KCNE3: variants seen among roughly 807,000 people sequenced by gnomAD.
KCNE3 encodes potassium voltage-gated channel subfamily E member 3.
KCNE3 carries 2 observed loss-of-function variants against 4.3 expected under a neutral mutation model. The ratio of observed to expected loss-of-function variants is 0.47; its 90% CI spans 0.19 to 1.48. The LOEUF is 1.48. Ranked by LOEUF, KCNE3 falls within the 40% of genes most tolerant of loss-of-function variation. KCNE3 has a pLI of 0.25. For synonymous variants in KCNE3, 47 were observed against 52.0 expected (o/e 0.90, Z 0.41); for missense variants, 128 against 136.8 (o/e 0.94, Z 0.32).
At chr11:74,463,093 A>T (rs997159928) in intron 1 of KCNE3, among the ~76,000 whole-genome samples, 2 of 151,904 alleles carry the variant, frequency 1.3e-5, no homozygotes, top group African/African-American at 4.8e-5. Context: ...AAACTGAGAG[A>T]TTTACTCATT....
chr11:74,466,984 G>C (rs1238473801), intron 1 of KCNE3, among the ~76,000 whole-genome samples: 1 of 152,232 alleles, frequency 6.6e-6, no homozygotes, highest in African/African-American at 2.4e-5. Flanking sequence ...CAGCTCCGCA[G>C]AGCCGGTGGC....
chr11:74,463,863 C>T (rs760304149), intron 1 of KCNE3, among the ~76,000 whole-genome samples: 11 of 152,224 alleles, frequency 7.2e-5, no homozygotes. Flanking sequence ...CTAAGCTTCA[C>T]ATCACACCAG....
At chr11:74,465,474 AC>A (rs1864041190) in intron 1 of KCNE3, among the ~76,000 whole-genome samples, 2 of 152,128 alleles carry the variant, frequency 1.3e-5, no homozygotes, top group Non-Finnish European at 2.9e-5. Context: ...TGCTCCCTGC[AC>A]CTGGACCCCA....
At chr11:74,457,675 C>T (rs1863855251) in intron 2 of KCNE3, 72 bp from the exon 3 acceptor site, 1 of 980,896 alleles carries the variant, frequency 1.0e-6, no homozygotes, top group Non-Finnish European at 1.6e-6. Flanking sequence ...CCCTTCAGAT[C>T]CCAGGTAAAA....
rs549837766 is a variant in KCNE3 at position 74,458,678 on chromosome 11, CA to C, written c.-40-1076del. 4.8e-3 allele frequency among the ~76,000 whole-genome samples: 731 copies of C among 152,032 alleles called. 2 individuals are homozygous for C. Among genetic ancestry groups the C allele is most frequent in the Middle Eastern group, 0.01 (3 of 294 alleles). ...GTGAAACCCGTCTCTACTAAAAATA[CA>C]AAAATTAGCTGGGCGTGGTGGTGAG... is the stretch of plus-strand genomic sequence containing the variant. On this transcript the variant is annotated intron_variant, in intron 2 of 2. Coordinates refer to ENST00000310128, the MANE Select transcript of KCNE3 (RefSeq NM_005472.5).
In KCNE3 at chr11:74,457,444, G is replaced by C. The variant is rs141880803; in HGVS notation, c.120C>G (p.Asp40Glu). ...TGGCCCGCCTCTCTTCAGTCTGGTTGTCTGGCCCCAGCCCTGGCCCTGGCC... is the reference window on the plus strand; with the variant it reads ...TGGCCCGCCTCTCTTCAGTCTGGTTCTCTGGCCCCAGCCCTGGCCCTGGCC... ...LCRPGPGLGP[D>E]NQTEERRASL... Residue 40 changes from aspartate to glutamate, a missense_variant, in exon 3 of 3, where the codon GAC becomes GAG. By Grantham distance (45) the Asp-to-Glu change is conservative (BLOSUM62 2). Coordinates refer to ENST00000310128, the MANE Select transcript of KCNE3 (RefSeq NM_005472.5). 64 of 1,614,004 alleles carry C rather than the reference G, an allele frequency of 4.0e-5. No homozygotes were observed. The highest frequency in any genetic ancestry group is 4.9e-5 in the Non-Finnish European group (58 of 1,179,848).
rs1305195102 is a variant in KCNE3, at chr11:74,455,835, C to T, written c.*1417G>A. On this transcript the variant is annotated 3_prime_UTR_variant, in exon 3 of 3. Transcript: ENST00000310128. The stretch of plus-strand genomic sequence containing the variant: ...CTCCACCTCCCGGGTTCAAACAATT[C>T]TCCTGCCTCAGCCTCCCAAGTAGCT... 1 of 151,620 alleles carries T rather than the reference C, an allele frequency of 6.6e-6. No homozygotes were observed. 9.4% of individuals were successfully genotyped at this position (151,620 alleles called of 1,614,324 possible). A position where few individuals can be genotyped will look rare whatever the true frequency, so the allele number is the denominator to read the frequency against.
chr11:74,463,618 G>C (rs993929886), intron 1 of KCNE3, among the ~76,000 whole-genome samples: 2 of 152,178 alleles, frequency 1.3e-5, no homozygotes, highest in South Asian at 4.1e-4. Flanking sequence ...AGATAGGCCA[G>C]TGAGGAAGGA....
chr11:74,455,168 T>C lies in KCNE3; in HGVS notation c.*2084A>G, dbSNP rs1316349761. On this transcript the variant is annotated 3_prime_UTR_variant, in exon 3 of 3. Transcript: ENST00000310128. ...TACTTACGGTCAAGTCAGTCAAATATTACATAAATTTATCATGCGGAAAGG... is the reference window on the plus strand; with the variant it reads ...TACTTACGGTCAAGTCAGTCAAATACTACATAAATTTATCATGCGGAAAGG... The C allele has an allele frequency of 6.6e-6, 1 of 152,236 alleles. No homozygotes were observed. The highest frequency in any genetic ancestry group is 1.5e-5 in the Non-Finnish European group (1 of 68,040). The allele number at this position is 152,236 out of a possible 1,614,324, so 9.4% of individuals were successfully genotyped here. A position where few individuals can be genotyped will look rare whatever the true frequency, so the allele number is the denominator to read the frequency against.
chr11:74,456,179 T>TATATATATATATATATATAA lies in KCNE3; in HGVS notation c.*1072_*1073insTTATATATATATATATATAT, dbSNP rs1340077987. 4 of 124,512 alleles carry TATATATATATATATATATAA rather than the reference T, an allele frequency of 3.2e-5. No individual in the cohort carries two copies. In the East Asian group the frequency reaches 8.6e-4, roughly 27 times the overall value. 7.7% of individuals were successfully genotyped at this position (124,512 alleles called of 1,614,324 possible). ...AAATATATATATATATATATATATA[T>TATATATATATATATATATAA]AAATTAACTGGGTGTGGTGACAGGA... is the stretch of plus-strand genomic sequence containing the variant. On this transcript the variant is annotated 3_prime_UTR_variant, in exon 3 of 3. Transcript: ENST00000310128.
intron 1 of KCNE3, among the ~76,000 whole-genome samples, chr11:74,464,883 T>G (rs971459504): frequency 6.6e-6 from 1 of 152,216 alleles, no homozygotes; most frequent in African/African-American, 2.4e-5. Flanking sequence ...ATCTCTTGCC[T>G]TTGCTCATGC....
chr11:74,459,478 G>A (rs1335441470), intron 2 of KCNE3, among the ~76,000 whole-genome samples: 1 of 151,956 alleles, frequency 6.6e-6, no homozygotes, highest in Non-Finnish European at 1.5e-5. Flanking sequence ...TAGCCAGGAT[G>A]GTCTCGATCT....
In KCNE3 at chr11:74,456,155, A is replaced by ATATATATTTATATATATATATATATAT. The variant is rs1863806356; in HGVS notation, c.*1096_*1097insATATATATATATATATATAAATATATA. 1 of 113,096 alleles carries ATATATATTTATATATATATATATATAT rather than the reference A, an allele frequency of 8.8e-6. No homozygotes were observed. Among genetic ancestry groups the ATATATATTTATATATATATATATATAT allele is most frequent in the South Asian group, 3.0e-4 (1 of 3,296 alleles). 7.0% of individuals were successfully genotyped at this position (113,096 alleles called of 1,614,324 possible). Reference sequence around the variant, plus strand: ...ACATGTGAAACCCTGTCTCTACTTAAATATATATATATATATATATATATA... The same window carrying ATATATATTTATATATATATATATATAT: ...ACATGTGAAACCCTGTCTCTACTTAATATATATTTATATATATATATATATATATATATATATATATATATATATATA... On this transcript the variant is annotated 3_prime_UTR_variant, in exon 3 of 3. Transcript: ENST00000310128.
chr11:74,466,936 G>C (rs1229019462), intron 1 of KCNE3, among the ~76,000 whole-genome samples: 1 of 152,212 alleles, frequency 6.6e-6, no homozygotes, highest in Non-Finnish European at 1.5e-5. Flanking sequence ...GTCAGACAGG[G>C]TGAAGGACAC....
Position 74,457,357 on chromosome 11 carries a change from A to G in KCNE3, c.207T>C (p.Ala69=). The stretch of plus-strand genomic sequence containing the variant: ...CCAGGATGAGGCTGCCCACAGTTAC[A>G]GCAAATAGAAACATGACAAAGAGAA... ...MYILFVMFLF[A]VTVGSLILGY... The change falls in exon 3 of 3, where the codon GCT becomes GCC. Residue 69 remains alanine (A), a synonymous_variant. Coordinates refer to ENST00000310128, the MANE Select transcript of KCNE3 (RefSeq NM_005472.5). 1 of 1,614,238 alleles carries G rather than the reference A, an allele frequency of 6.2e-7. No homozygotes were observed. The highest frequency in any genetic ancestry group is 8.5e-7 in the Non-Finnish European group (1 of 1,180,046).
At chr11:74,461,301 T>C (rs1863948375) in intron 2 of KCNE3, among the ~76,000 whole-genome samples, 1 of 146,826 alleles carries the variant, frequency 6.8e-6, no homozygotes, top group Admixed American at 6.7e-5. Flanking sequence ...TTTGTGTGTG[T>C]GTGTGTGTGT....
intron 2 of KCNE3, among the ~76,000 whole-genome samples, chr11:74,459,418 C>A (rs186328564): frequency 6.6e-6 from 1 of 151,906 alleles, no homozygotes; most frequent in Admixed American, 6.6e-5. Context: ...CCCGCCATCA[C>A]GCCAGGCTAA....
intron 2 of KCNE3, among the ~76,000 whole-genome samples, chr11:74,458,512 A>G (rs530499292): frequency 3.7e-4 from 57 of 152,002 alleles, no homozygotes; most frequent in African/African-American, 1.4e-3. Context: ...ATTCATCACA[A>G]CTCTCCTTGA....
At chr11:74,462,128 A>C (rs1863968109) in intron 1 of KCNE3, 25 bp from the exon 2 acceptor site, 1 of 153,010 alleles carries the variant, frequency 6.5e-6, no homozygotes, top group African/African-American at 2.4e-5. Context: ...AGAAGGCAGA[A>C]AAGGAAGGAA....
Sources: allele counts gnomAD v4.1 joint callset (sites outside exome capture counted in the v4.1 genomes callset), GRCh38; gene constraint gnomAD v4.1.1; transcripts MANE v1.5; gene names NCBI Gene and HGNC (gene_info 2026-07-23, HGNC 2026-07-21).